Variants in RIC1 observed in about 807,000 individuals in gnomAD.
The protein encoded by RIC1 is guanine nucleotide exchange factor subunit RIC1.
Under a neutral mutation model 169.0 loss-of-function variants are expected in RIC1, and 88 were observed. The observed-to-expected ratio is 0.52, with a 90% CI of 0.44 to 0.62. The LOEUF is 0.62. Ranked by LOEUF, RIC1 falls within the 20% of genes least tolerant of loss-of-function variation. The pLI is 0.00. For synonymous variants in RIC1, 790 were observed against 601.5 expected (o/e 1.31, Z -4.59); for missense variants, 1,877 against 1,725.5 (o/e 1.09, Z -1.56).
intron 21 of RIC1, among the ~76,000 whole-genome samples, 164 bp from the exon 22 acceptor site, chr9:5,768,805 GT>G (rs1467263159): frequency 6.6e-6 from 1 of 152,160 alleles, no homozygotes; most frequent in Admixed American, 6.5e-5. Context: ...GAGGGTTGTG[GT>G]GTAACACGGA....
At chr9:5,726,436 C>T (rs1030832224) in intron 6 of RIC1, among the ~76,000 whole-genome samples, 1 of 152,118 alleles carries the variant, frequency 6.6e-6, no homozygotes, top group Non-Finnish European at 1.5e-5. Context: ...TTATTTTGAG[C>T]CTATGTGTGT....
At chr9:5,722,225 A>T in intron 6 of RIC1, among the ~76,000 whole-genome samples, 1 of 144,330 alleles carries the variant, frequency 6.9e-6, no homozygotes. Context: ...TTTTTTCCAC[A>T]GTACCACAAA....
rs570897795 is a variant in RIC1 at position 5,712,472 on chromosome 9, A to G, written c.333-1424A>G. Reference sequence around the variant, plus strand: ...CAAAGGGCTAATATCCAGCATCTACAAAGGACTCAAACAAATTTACAAGAA... The same window carrying G: ...CAAAGGGCTAATATCCAGCATCTACGAAGGACTCAAACAAATTTACAAGAA... On this transcript the variant is annotated intron_variant, in intron 3 of 25. Transcript: ENST00000414202. 1.1e-4 allele frequency among the ~76,000 whole-genome samples: 16 copies of G among 152,322 alleles called. No individual in the cohort carries two copies. The South Asian group carries it at 3.3e-3, about 32-fold the overall frequency.
At chr9:5,777,055 C>G (rs972729144), downstream of RIC1, among the ~76,000 whole-genome samples, 6 of 152,026 alleles carry the variant, frequency 3.9e-5, no homozygotes, top group Non-Finnish European at 8.8e-5. Context: ...TGTAGCCATC[C>G]AAGTTGTATA....
At position 5,720,316 on chromosome 9, in the gene RIC1, C is replaced by A; in HGVS notation, c.575C>A (p.Ser192Ter). 3 of 1,611,700 alleles carry A rather than the reference C, an allele frequency of 1.9e-6. No individual in the cohort carries two copies. The highest frequency in any genetic ancestry group is 2.5e-6 in the Non-Finnish European group (3 of 1,179,074). The change falls in exon 5 of 26, where the codon TCA becomes TAA. Residue 192 changes from serine (S) to a stop codon, truncating the protein, a stop_gained. Coordinates refer to ENST00000414202, the MANE Select transcript of RIC1 (RefSeq NM_020829.4). LOFTEE classifies it high-confidence loss of function. ...CTVPFSVDLQ[S>*]SRVGSFLGFT... ...GTACCCTTTTCAGTAGACCTGCAGT[C>A]ATCTAGAGGTAGCTATACTTTCTAC...
At chr9:5,656,409 G>C (rs1316084455) in intron 1 of RIC1, among the ~76,000 whole-genome samples, 174 bp from the exon 2 acceptor site, 1 of 151,966 alleles carries the variant, frequency 6.6e-6, no homozygotes, top group Non-Finnish European at 1.5e-5. Context: ...GTAGGTTTAG[G>C]TCTTTGTTTT....
chr9:5,721,447 C>G (rs184271105), intron 6 of RIC1, among the ~76,000 whole-genome samples: 3 of 152,322 alleles, frequency 2.0e-5, no homozygotes, highest in Non-Finnish European at 4.4e-5. Flanking sequence ...AGCACACACG[C>G]GCGTGCACAC....
At chr9:5,638,497 T>G (rs1818082040) in intron 1 of RIC1, among the ~76,000 whole-genome samples, 1 of 152,228 alleles carries the variant, frequency 6.6e-6, no homozygotes, top group South Asian at 2.1e-4. Context: ...GGGAGACTTT[T>G]TATTACAGGT....
At chr9:5,632,273 T>A (rs1383769816) in intron 1 of RIC1, among the ~76,000 whole-genome samples, 1 of 152,258 alleles carries the variant, frequency 6.6e-6, no homozygotes, top group Non-Finnish European at 1.5e-5. Context: ...GCTGGTTGTT[T>A]CAATGTTCAA....
At chr9:5,753,456 C>A in intron 13 of RIC1, 80 bp from the exon 14 acceptor site, 1 of 908,104 alleles carries the variant, frequency 1.1e-6, no homozygotes, top group Non-Finnish European at 1.7e-6. Flanking sequence ...GTCTGTTTGC[C>A]TGACACAATA....
At chr9:5,727,369 C>T (rs141717897) in intron 6 of RIC1, among the ~76,000 whole-genome samples, 2,067 of 152,260 alleles carry the variant, frequency 0.014, 61 homozygotes, top group South Asian at 0.067. Flanking sequence ...AGTTCTCGTG[C>T]GATGGTTTTC....
chr9:5,639,771 A>G (rs1279238906), intron 1 of RIC1, among the ~76,000 whole-genome samples: 2 of 152,190 alleles, frequency 1.3e-5, no homozygotes. Flanking sequence ...TGTTGGGTGC[A>G]TATGTACATA....
chr9:5,652,803 C>G (rs1318686175), intron 1 of RIC1, among the ~76,000 whole-genome samples: 2 of 151,894 alleles, frequency 1.3e-5, no homozygotes, highest in Non-Finnish European at 2.9e-5. Flanking sequence ...GAAAAGATTT[C>G]AACTTTTCCT....
chr9:5,657,652 G>A (rs1359486316), intron 2 of RIC1, among the ~76,000 whole-genome samples: 3 of 151,980 alleles, frequency 2.0e-5, no homozygotes, highest in East Asian at 1.9e-4. Flanking sequence ...TCCCTTTCTA[G>A]TCCATACTGT....
intron 2 of RIC1, among the ~76,000 whole-genome samples, chr9:5,681,725 C>G (rs1048699163): frequency 2.0e-5 from 3 of 152,072 alleles, no homozygotes; most frequent in African/African-American, 7.2e-5. Flanking sequence ...TTTGATCTGT[C>G]TAATGGTGAC....
intron 15 of RIC1, among the ~76,000 whole-genome samples, chr9:5,755,898 G>C (rs1825979720): frequency 6.6e-6 from 1 of 151,492 alleles, no homozygotes; most frequent in South Asian, 2.1e-4. Context: ...ACTCCAGCCT[G>C]GGCAACAGAG....
chr9:5,704,172 ATCTTC>A (rs1822411984), intron 3 of RIC1, among the ~76,000 whole-genome samples: 1 of 151,242 alleles, frequency 6.6e-6, no homozygotes, highest in African/African-American at 2.4e-5. Context: ...CCATTTGTGT[ATCTTC>A]TCTAGATAAA....
intron 2 of RIC1, among the ~76,000 whole-genome samples, chr9:5,687,862 G>T (rs1394662366): frequency 6.6e-6 from 1 of 151,936 alleles, no homozygotes; most frequent in Non-Finnish European, 1.5e-5. Flanking sequence ...TGTATATTGG[G>T]CTACATGAAG....
At chr9:5,743,539 T>G in intron 9 of RIC1, 150 bp from the exon 10 acceptor site, 1 of 638,308 alleles carries the variant, frequency 1.6e-6, no homozygotes, top group Non-Finnish European at 2.7e-6. Flanking sequence ...CACCTAGGTG[T>G]ATTAACCCAC....
Sources: allele counts gnomAD v4.1 joint callset (sites outside exome capture counted in the v4.1 genomes callset), GRCh38; gene constraint gnomAD v4.1.1; transcripts MANE v1.5; gene names NCBI Gene and HGNC (gene_info 2026-07-23, HGNC 2026-07-21).